Variants in CLOCK observed in about 807,000 individuals in gnomAD.
CLOCK encodes clock circadian regulator, also known as circadian locomoter output cycles protein kaput.
Under a neutral mutation model 118.4 loss-of-function variants are expected in CLOCK, and 43 were observed. The ratio of observed to expected loss-of-function variants is 0.36; its 90% CI spans 0.28 to 0.47. The LOEUF is 0.47. CLOCK is among the 20% of genes least tolerant of loss of function. The pLI, the probability that CLOCK is intolerant of heterozygous loss-of-function variation, is 1.00. For missense variants in CLOCK, 846 were observed against 999.9 expected, an observed-to-expected ratio of 0.85 and a Z score of 2.08; for synonymous variants, 326 against 339.2, an observed-to-expected ratio of 0.96 and a Z score of 0.43.
At chr4:55,518,710 A>T (rs953675690) in intron 1 of CLOCK, among the ~76,000 whole-genome samples, 3 of 152,342 alleles carry the variant, frequency 2.0e-5, no homozygotes, top group Middle Eastern at 3.4e-3. Flanking sequence ...AGGCACCAGA[A>T]TGGGCCTTCA....
chr4:55,502,118 C>G (rs1419212546), intron 2 of CLOCK, among the ~76,000 whole-genome samples: 2 of 152,134 alleles, frequency 1.3e-5, no homozygotes, highest in African/African-American at 4.8e-5. Context: ...TTGGAAGTCT[C>G]AACACTGAAA....
At chr4:55,484,187 AT>A (rs35700616) in intron 3 of CLOCK, among the ~76,000 whole-genome samples, 2 of 151,140 alleles carry the variant, frequency 1.3e-5, no homozygotes, top group South Asian at 2.1e-4. Context: ...GGCTCAGAAT[AT>A]TTTTTTTTCT....
intron 2 of CLOCK, among the ~76,000 whole-genome samples, chr4:55,503,728 T>C (rs1031638938): frequency 1.3e-5 from 2 of 152,162 alleles, no homozygotes; most frequent in Non-Finnish European, 1.5e-5. Flanking sequence ...CCTGCCTCTT[T>C]GTGGGTACTA....
At chr4:55,490,654 A>G (rs534594512) in intron 2 of CLOCK, among the ~76,000 whole-genome samples, 1 of 152,290 alleles carries the variant, frequency 6.6e-6, no homozygotes, top group South Asian at 2.1e-4. Context: ...ACTTTAAATC[A>G]TCTCTAGATT....
In CLOCK at chr4:55,444,662, G is replaced by A; in HGVS notation, c.1663C>T (p.Leu555Phe). 6.2e-7 allele frequency: 1 copy of A among 1,614,044 alleles called. No individual in the cohort carries two copies. Among genetic ancestry groups the A allele is most frequent in the Non-Finnish European group, 8.5e-7 (1 of 1,179,982 alleles). Residue 555 changes from leucine to phenylalanine, a missense_variant, in exon 19 of 23, where the codon CTT becomes TTT. Coordinates refer to ENST00000513440, the MANE Select transcript of CLOCK (RefSeq NM_004898.4). ...QEELRKIQEQ[L>F]QMVHGQGLQM... is the part of the protein sequence containing the mutation. ...AGCCCCTGACCATGGACCATCTGAA[G>A]TTGTTCTTGAATTTTTCTTAGTTCT...
At chr4:55,451,101 T>G (rs944162188) in intron 15 of CLOCK, among the ~76,000 whole-genome samples, 16 of 151,650 alleles carry the variant, frequency 1.1e-4, no homozygotes, top group African/African-American at 3.9e-4. Flanking sequence ...CTGCCCCATT[T>G]CTCTTCTCTT....
chr4:55,443,635 G>T, intron 20 of CLOCK, 52 bp downstream of exon 20: 1 of 1,353,546 alleles, frequency 7.4e-7, no homozygotes, highest in Non-Finnish European at 1.1e-6. Context: ...CAGCAATAGT[G>T]TGCCTTCCAA....
intron 1 of CLOCK, among the ~76,000 whole-genome samples, chr4:55,537,831 A>G (rs1234712504): frequency 6.6e-6 from 1 of 152,158 alleles, no homozygotes; most frequent in Non-Finnish European, 1.5e-5. Flanking sequence ...AGGGAAGTTT[A>G]TAGCATGCTT....
chr4:55,513,652 T>C (rs1003859994), intron 1 of CLOCK, among the ~76,000 whole-genome samples: 14 of 152,152 alleles, frequency 9.2e-5, no homozygotes, highest in African/African-American at 3.4e-4. Context: ...CCTCTCCATA[T>C]AAACTTATTG....
intron 3 of CLOCK, among the ~76,000 whole-genome samples, chr4:55,485,110 C>A (rs1182189337): frequency 6.6e-6 from 1 of 151,904 alleles, no homozygotes; most frequent in Non-Finnish European, 1.5e-5. Flanking sequence ...ATTACAGGCC[C>A]AGACCACCAC....
chr4:55,508,629 G>A (rs1269414781), intron 2 of CLOCK, among the ~76,000 whole-genome samples: 1 of 147,454 alleles, frequency 6.8e-6, no homozygotes, highest in Non-Finnish European at 1.5e-5. Flanking sequence ...GTCTTGCTCT[G>A]TTGCCCAAGC....
At chr4:55,503,578 ATG>A (rs1179702647) in intron 2 of CLOCK, among the ~76,000 whole-genome samples, 3 of 152,156 alleles carry the variant, frequency 2.0e-5, no homozygotes, top group Non-Finnish European at 4.4e-5. Context: ...ACTTTATAAT[ATG>A]TGTGTTATAA....
chr4:55,459,424 G>A (rs551856196), intron 9 of CLOCK, among the ~76,000 whole-genome samples, 163 bp from the exon 10 acceptor site: 1 of 152,260 alleles, frequency 6.6e-6, no homozygotes, highest in East Asian at 1.9e-4. Flanking sequence ...GCACCTTCAG[G>A]AGAGGATCTC....
intron 1 of CLOCK, among the ~76,000 whole-genome samples, chr4:55,535,837 A>C (rs1730859751): frequency 6.7e-6 from 1 of 149,812 alleles, no homozygotes; most frequent in African/African-American, 2.5e-5. Flanking sequence ...TCCACCTCAG[A>C]GATGGGGAGA....
At chr4:55,435,992 G>C (rs567108391) in intron 22 of CLOCK, among the ~76,000 whole-genome samples, 1 of 152,246 alleles carries the variant, frequency 6.6e-6, no homozygotes, top group South Asian at 2.1e-4. Flanking sequence ...ACACAGGTTC[G>C]CTCAGCTGGT....
chr4:55,458,958 C>A lies in CLOCK; in HGVS notation c.726G>T (p.Arg242Ser). Residue 242 changes from arginine (R) to serine (S), a missense_variant, in exon 11 of 23, where the codon AGG (arginine) becomes AGT (serine). Arg to Ser is a moderately radical substitution (Grantham distance 110, BLOSUM62 -1). Coordinates refer to ENST00000513440, the MANE Select transcript of CLOCK (RefSeq NM_004898.4). ...GFEGTIQRTH[R>S]PSYEDRVCFV... ...AACAAACTCTATCTTCATAAGATGGCCTATGTGTGCGTTGTATAGTTCCTT... is the reference window on the plus strand; with the variant it reads ...AACAAACTCTATCTTCATAAGATGGACTATGTGTGCGTTGTATAGTTCCTT... The A allele has an allele frequency of 6.2e-7, 1 of 1,613,892 alleles. No homozygotes were observed. The highest frequency in any genetic ancestry group is 1.1e-5 in the South Asian group (1 of 91,072).
intron 2 of CLOCK, among the ~76,000 whole-genome samples, chr4:55,493,876 G>T (rs906148495): frequency 9.2e-5 from 14 of 152,140 alleles, no homozygotes; most frequent in African/African-American, 3.1e-4. Context: ...AACATCAACT[G>T]ACACTATAAC....
At chr4:55,488,702 TA>T (rs1230884385) in intron 3 of CLOCK, among the ~76,000 whole-genome samples, 1 of 152,222 alleles carries the variant, frequency 6.6e-6, no homozygotes, top group Non-Finnish European at 1.5e-5. Context: ...TCTGACTGCC[TA>T]ATGAAAGCAG....
chr4:55,514,794 G>T (rs1411560734), intron 1 of CLOCK, among the ~76,000 whole-genome samples: 1 of 152,050 alleles, frequency 6.6e-6, no homozygotes, highest in Admixed American at 6.6e-5. Context: ...ATATTTTGTT[G>T]GGGATTTTTG....
Sources: allele counts gnomAD v4.1 joint callset (sites outside exome capture counted in the v4.1 genomes callset), GRCh38; gene constraint gnomAD v4.1.1; transcripts MANE v1.5; gene names NCBI Gene and HGNC (gene_info 2026-07-23, HGNC 2026-07-21).